Variants in GRID2 observed in about 807,000 individuals in gnomAD.
GRID2 encodes glutamate receptor ionotropic, delta-2.
GRID2 carries 33 observed loss-of-function variants against 114.8 expected under a neutral mutation model. That is an observed-to-expected ratio of 0.29 (90% confidence interval 0.22 to 0.38). The LOEUF is 0.38. GRID2 is among the 10% of genes least tolerant of loss of function. The pLI is 1.00. For missense variants in GRID2, 1,184 were observed against 1,257.7 expected (o/e 0.94, Z 0.89); for synonymous variants, 505 against 449.9 (o/e 1.12, Z -1.55).
At chr4:92,989,398 G>A (rs1398822445) in intron 2 of GRID2, among the ~76,000 whole-genome samples, 1 of 150,676 alleles carries the variant, frequency 6.6e-6, no homozygotes, top group African/African-American at 2.4e-5. Flanking sequence ...ATGTAAACAT[G>A]CAAAATATTC....
chr4:92,738,397 CA>C (rs1258085580), intron 2 of GRID2, among the ~76,000 whole-genome samples: 2 of 151,996 alleles, frequency 1.3e-5, no homozygotes, highest in African/African-American at 4.8e-5. Flanking sequence ...TCAGAAATCA[CA>C]AAAATTTAGG....
rs189999504 is a variant in GRID2 at position 93,447,666 on chromosome 4, G to C, written c.1546-7996G>C. ...TCCAATATGACAAAAAATGTTATTTGTTTACAAACAAATTAATAATGTTAT... is the reference window on the plus strand; with the variant it reads ...TCCAATATGACAAAAAATGTTATTTCTTTACAAACAAATTAATAATGTTAT... On this transcript the variant is annotated intron_variant, in intron 10 of 15. Coordinates refer to ENST00000282020, the MANE Select transcript of GRID2 (RefSeq NM_001510.4). Among the ~76,000 whole-genome samples the C allele has an allele frequency of 5.3e-5, 8 of 151,980 alleles. No individual in the cohort carries two copies. In the East Asian group the frequency reaches 1.6e-3, roughly 29 times the overall value.
intron 1 of GRID2, among the ~76,000 whole-genome samples, chr4:92,410,835 AT>A (rs5860274): frequency 0.033 from 3,905 of 117,856 alleles, 31 homozygotes; most frequent in Non-Finnish European, 0.039. Context: ...CTGCAAAAGC[AT>A]TTTTTTTTTT....
intron 2 of GRID2, among the ~76,000 whole-genome samples, chr4:92,799,560 T>A (rs897323754): frequency 2.0e-5 from 3 of 152,148 alleles, no homozygotes; most frequent in Non-Finnish European, 4.4e-5. Flanking sequence ...CACATCATCT[T>A]TTTTCTTCGT....
At chr4:92,649,196 A>C (rs1434547510) in intron 2 of GRID2, among the ~76,000 whole-genome samples, 1 of 112,466 alleles carries the variant, frequency 8.9e-6, no homozygotes, top group East Asian at 2.7e-4. Context: ...GAGAGAGGGA[A>C]AGATTATGAA....
At chr4:92,654,494 A>G (rs1732127502) in intron 2 of GRID2, among the ~76,000 whole-genome samples, 1 of 152,072 alleles carries the variant, frequency 6.6e-6, no homozygotes, top group African/African-American at 2.4e-5. Context: ...GAAGGTGACA[A>G]GTAGTTATGT....
chr4:93,531,056 T>C (rs571597290), intron 13 of GRID2, among the ~76,000 whole-genome samples: 3 of 152,270 alleles, frequency 2.0e-5, no homozygotes, highest in Admixed American at 1.3e-4. Context: ...CTGAGACTTA[T>C]CACTTTGATT....
intron 1 of GRID2, among the ~76,000 whole-genome samples, chr4:92,441,614 A>G (rs910694316): frequency 5.3e-5 from 8 of 152,146 alleles, no homozygotes; most frequent in Non-Finnish European, 8.8e-5. Flanking sequence ...AAATGGGGGA[A>G]TTGTAAGGAG....
intron 8 of GRID2, among the ~76,000 whole-genome samples, chr4:93,262,972 T>C (rs2149552409): frequency 6.6e-6 from 1 of 152,116 alleles, no homozygotes; most frequent in Admixed American, 6.6e-5. Flanking sequence ...TAACTCCTTG[T>C]TCCACTTATC....
chr4:92,776,508 G>GA (rs1332727755), intron 2 of GRID2, among the ~76,000 whole-genome samples: 9 of 152,182 alleles, frequency 5.9e-5, no homozygotes, highest in Non-Finnish European at 1.3e-4. Context: ...GTATGTGTGT[G>GA]AGGGTGTGTG....
At chr4:93,721,819 T>C (rs770481254) in intron 14 of GRID2, among the ~76,000 whole-genome samples, 2 of 152,094 alleles carry the variant, frequency 1.3e-5, no homozygotes, top group Non-Finnish European at 2.9e-5. Context: ...TTAATCTTCA[T>C]AATAACAGGA....
intron 10 of GRID2, among the ~76,000 whole-genome samples, chr4:93,455,108 A>G (rs780007955): frequency 6.6e-6 from 1 of 152,156 alleles, no homozygotes; most frequent in Non-Finnish European, 1.5e-5. Flanking sequence ...ATACAATCAT[A>G]GTAGTGACCT....
chr4:92,352,499 A>G (rs1280666808), intron 1 of GRID2, among the ~76,000 whole-genome samples: 3 of 151,816 alleles, frequency 2.0e-5, no homozygotes, highest in Non-Finnish European at 4.4e-5. Context: ...TACGTTTTCT[A>G]GGCAGAGGAT....
chr4:92,472,200 TGGGA>T (rs1210236633), intron 1 of GRID2, among the ~76,000 whole-genome samples: 4 of 150,686 alleles, frequency 2.7e-5, no homozygotes, highest in Admixed American at 6.6e-5. Flanking sequence ...CCCAAAGTGC[TGGGA>T]TTACAGGCGT....
chr4:92,664,983 A>G (rs1189280140), intron 2 of GRID2, among the ~76,000 whole-genome samples: 2 of 142,906 alleles, frequency 1.4e-5, no homozygotes, highest in East Asian at 4.1e-4. Flanking sequence ...CCACTCTGCC[A>G]TTCTTTTTTT....
chr4:92,954,720 T>G (rs1487231124), intron 2 of GRID2, among the ~76,000 whole-genome samples: 15 of 142,316 alleles, frequency 1.1e-4, no homozygotes, highest in East Asian at 4.3e-4. Flanking sequence ...ACCCACTAAC[T>G]CGTCATCTAG....
intron 1 of GRID2, among the ~76,000 whole-genome samples, chr4:92,445,942 T>A (rs190238487): frequency 4.6e-5 from 7 of 152,172 alleles, no homozygotes; most frequent in Non-Finnish European, 8.8e-5. Context: ...TCTTATCTCA[T>A]ATTTTTTGTT....
At chr4:93,093,303 C>T (rs1250404292) in intron 3 of GRID2, among the ~76,000 whole-genome samples, 1 of 151,912 alleles carries the variant, frequency 6.6e-6, no homozygotes, top group East Asian at 1.9e-4. Context: ...ACCTGGTAGC[C>T]ATATTTGGGG....
At chr4:93,073,815 G>A (rs938813346) in intron 2 of GRID2, among the ~76,000 whole-genome samples, 1 of 152,178 alleles carries the variant, frequency 6.6e-6, no homozygotes, top group Non-Finnish European at 1.5e-5. Flanking sequence ...ACTCTCCAGA[G>A]ACCAATCACA....
Sources: allele counts gnomAD v4.1 joint callset (sites outside exome capture counted in the v4.1 genomes callset), GRCh38; gene constraint gnomAD v4.1.1; transcripts MANE v1.5; gene names NCBI Gene and HGNC (gene_info 2026-07-23, HGNC 2026-07-21).